TMEM135: variants seen among roughly 807,000 people sequenced by gnomAD.
TMEM135 encodes peroxisomal membrane protein 52.
Under a neutral mutation model 60.3 loss-of-function variants are expected in TMEM135, and 30 were observed. The ratio of observed to expected loss-of-function variants is 0.50; its 90% CI spans 0.37 to 0.68. TMEM135 has a LOEUF of 0.68. Ranked by LOEUF, TMEM135 falls within the 30% of genes least tolerant of loss-of-function variation. The pLI is 0.00. For synonymous variants in TMEM135, 190 were observed against 186.7 expected (o/e 1.02, Z -0.14); for missense variants, 468 against 548.8 (o/e 0.85, Z 1.47).
chr11:87,161,520 C>T (rs985700003), intron 5 of TMEM135, among the ~76,000 whole-genome samples: 1 of 152,048 alleles, frequency 6.6e-6, no homozygotes, highest in Non-Finnish European at 1.5e-5. Flanking sequence ...TTCTTAATCT[C>T]AATTTTTGAA....
intron 3 of TMEM135, among the ~76,000 whole-genome samples, chr11:87,083,778 A>C (rs573441130): frequency 1.3e-5 from 2 of 152,170 alleles, no homozygotes; most frequent in Admixed American, 6.5e-5. Context: ...ATTAATTCCT[A>C]TGCCTCAAGG....
chr11:87,082,324 C>T (rs886803467), intron 3 of TMEM135, among the ~76,000 whole-genome samples: 5 of 152,030 alleles, frequency 3.3e-5, no homozygotes, highest in Non-Finnish European at 7.4e-5. Flanking sequence ...TGACTTACCA[C>T]GAATTTATGT....
intron 1 of TMEM135, among the ~76,000 whole-genome samples, chr11:87,065,150 C>T (rs1383775772): frequency 2.0e-5 from 3 of 152,164 alleles, no homozygotes; most frequent in Non-Finnish European, 4.4e-5. Flanking sequence ...CTGCTATAAA[C>T]ATTCCTTCAC....
chr11:87,299,900 T>C (rs1942413889), intron 7 of TMEM135, among the ~76,000 whole-genome samples: 2 of 152,342 alleles, frequency 1.3e-5, no homozygotes, highest in South Asian at 2.1e-4. Context: ...AGTTAAGTGT[T>C]CTATAATTCA....
chr11:87,100,819 G>A (rs902854617), intron 4 of TMEM135, among the ~76,000 whole-genome samples: 6 of 151,986 alleles, frequency 3.9e-5, no homozygotes, highest in East Asian at 3.9e-4. Context: ...CCAAGATTGC[G>A]TCAGTGCACT....
chr11:87,313,551 A>AATACC, intron 11 of TMEM135, 63 bp downstream of exon 11: 2 of 1,292,840 alleles, frequency 1.5e-6, no homozygotes, highest in Non-Finnish European at 2.2e-6. Context: ...ATGAATTGGA[A>AATACC]ATACCATCCA....
chr11:87,302,870 G>A (rs1298410001), intron 8 of TMEM135, among the ~76,000 whole-genome samples: 2 of 152,060 alleles, frequency 1.3e-5, no homozygotes, highest in Admixed American at 1.3e-4. Context: ...GAAAATTTTT[G>A]GGGTTCTCAA....
At chr11:87,132,741 AC>A (rs1201697343) in intron 4 of TMEM135, among the ~76,000 whole-genome samples, 1 of 152,174 alleles carries the variant, frequency 6.6e-6, no homozygotes, top group Non-Finnish European at 1.5e-5. Context: ...CTGTCTATCC[AC>A]AAGGGATACA....
Position 87,071,603 on chromosome 11 carries a change from A to C in TMEM135, c.350A>C (p.Glu117Ala). 6.2e-7 allele frequency: 1 copy of C among 1,613,730 alleles called. No individual in the cohort carries two copies. The highest frequency in any genetic ancestry group is 8.5e-7 in the Non-Finnish European group (1 of 1,179,848). Residue 117 changes from glutamate (E) to alanine (A), a missense_variant, in exon 3 of 15, where the codon GAA becomes GCA. By Grantham distance (107) the Glu-to-Ala change is moderately radical. Coordinates refer to ENST00000305494, the MANE Select transcript of TMEM135 (RefSeq NM_022918.4). Reference sequence around the variant, plus strand: ...GCATCTTATGTGGCCATTCTCATTGAAAGAAAAAGCAGGTAAAATTTCATA... The same window carrying C: ...GCATCTTATGTGGCCATTCTCATTGCAAGAAAAAGCAGGTAAAATTTCATA... ...LPASYVAILI[E>A]RKSRRGLLTI...
chr11:87,289,982 T>C (rs914240490), intron 6 of TMEM135, among the ~76,000 whole-genome samples: 1 of 150,086 alleles, frequency 6.7e-6, no homozygotes, highest in Non-Finnish European at 1.5e-5. Context: ...TGTGGCTGTA[T>C]AGTATTCCAT....
At chr11:87,119,751 A>G (rs3103386) in intron 4 of TMEM135, among the ~76,000 whole-genome samples, 72,412 of 152,028 alleles carry the variant, frequency 0.48, 17,541 homozygotes, top group East Asian at 0.67. Context: ...TAACAGATAT[A>G]CTAATAATGA....
intron 5 of TMEM135, among the ~76,000 whole-genome samples, chr11:87,162,382 G>A (rs556213144): frequency 1.2e-3 from 181 of 151,990 alleles, no homozygotes; most frequent in African/African-American, 3.8e-3. Context: ...GCCCTCCAAC[G>A]CCCGACAGGC....
intron 4 of TMEM135, among the ~76,000 whole-genome samples, chr11:87,131,759 C>T: frequency 6.6e-6 from 1 of 151,986 alleles, no homozygotes; most frequent in South Asian, 2.1e-4. Flanking sequence ...GGGAGGGGTC[C>T]CCAGCAATAC....
chr11:87,054,658 G>C (rs1196124170), intron 1 of TMEM135, among the ~76,000 whole-genome samples: 1 of 152,054 alleles, frequency 6.6e-6, no homozygotes, highest in Non-Finnish European at 1.5e-5. Context: ...ATTCTTACTT[G>C]ATCTTGGGGG....
At chr11:87,107,917 G>A (rs915860956) in intron 4 of TMEM135, among the ~76,000 whole-genome samples, 2 of 152,142 alleles carry the variant, frequency 1.3e-5, no homozygotes, top group African/African-American at 2.4e-5. Flanking sequence ...ATCCTCTCCA[G>A]CACCTGTTGT....
At chr11:87,128,058 C>A (rs2135227129) in intron 4 of TMEM135, among the ~76,000 whole-genome samples, 1 of 151,990 alleles carries the variant, frequency 6.6e-6, no homozygotes, top group African/African-American at 2.4e-5. Context: ...TTTTTTTGGT[C>A]CAACTCTAGT....
At chr11:87,318,784 T>C (rs998744874) in intron 13 of TMEM135, among the ~76,000 whole-genome samples, 2 of 152,122 alleles carry the variant, frequency 1.3e-5, no homozygotes, top group Non-Finnish European at 2.9e-5. Flanking sequence ...GAAAAACTCA[T>C]TAAAACTAAT....
intron 3 of TMEM135, among the ~76,000 whole-genome samples, chr11:87,079,217 G>A (rs1266190904): frequency 6.6e-6 from 1 of 152,056 alleles, no homozygotes; most frequent in Non-Finnish European, 1.5e-5. Context: ...TGCTGGCCAG[G>A]CTGGTCTTGA....
At chr11:87,304,688 G>A (rs1942510440) in intron 8 of TMEM135, among the ~76,000 whole-genome samples, 1 of 152,178 alleles carries the variant, frequency 6.6e-6, no homozygotes, top group South Asian at 2.1e-4. Context: ...TAAAGGTCTT[G>A]CTAATCAATT....
Sources: gnomAD v4.1 joint callset for allele counts (sites outside exome capture counted in the v4.1 genomes callset) on GRCh38, gnomAD v4.1.1 for gene constraint, MANE v1.5 for transcripts, NCBI Gene and HGNC (gene_info 2026-07-23, HGNC 2026-07-21) for gene names.